Variants in IP6K3 observed in about 807,000 individuals in gnomAD.
The protein encoded by IP6K3 is inositol hexakisphosphate kinase 3, also known as ATP:1D-myo-inositol-hexakisphosphate phosphotransferase.
A neutral mutation model predicts 28.8 loss-of-function variants in IP6K3; 20 were observed. That is an observed-to-expected ratio of 0.70 (90% CI 0.49 to 1.01). IP6K3 has a LOEUF of 1.01. IP6K3 is among the 50% of genes least tolerant of loss of function. The pLI, the probability that IP6K3 is intolerant of heterozygous loss-of-function variation, is 0.00. For synonymous variants in IP6K3, 213 were observed against 221.3 expected (o/e 0.96, Z 0.33); for missense variants, 480 against 537.1 (o/e 0.89, Z 1.05).
intron 1 of IP6K3, among the ~76,000 whole-genome samples, chr6:33,743,865 CT>C (rs146490272): frequency 0.042 from 6,136 of 146,088 alleles, 353 homozygotes; most frequent in African/African-American, 0.13. Context: ...TTTTTTTTTT[CT>C]TTTTTTTTTC....
chr6:33,724,538 C>T (rs1188614080), intron 5 of IP6K3, among the ~76,000 whole-genome samples: 1 of 152,120 alleles, frequency 6.6e-6, no homozygotes, highest in Non-Finnish European at 1.5e-5. Flanking sequence ...AAAAAGGAGG[C>T]GTGGAGTCTG....
rs574404249 is a variant in IP6K3 at position 33,744,009 on chromosome 6, C to T, written c.-180+2749G>A. Among the ~76,000 whole-genome samples, 10 of 152,266 alleles carry T rather than the reference C, an allele frequency of 6.6e-5. No individual in the cohort carries two copies. Among genetic ancestry groups the T allele is most frequent in the African/African-American group, 2.2e-4 (9 of 41,550 alleles). On this transcript the variant is annotated intron_variant, in intron 1 of 5. Coordinates refer to ENST00000293756, the MANE Select transcript of IP6K3 (RefSeq NM_054111.5). The surrounding 1 kb of genome is among the most constrained non-coding windows in gnomAD (Gnocchi z 4.4). The stretch of plus-strand genomic sequence containing the variant: ...CAGCACCAACAATGTTCTGATCTTG[C>T]TGTCAAGGTGGGAGAAACATGGGGG...
In IP6K3 at chr6:33,735,613, T is replaced by C; in HGVS notation, c.-137A>G. 6.8e-7 allele frequency: 1 copy of C among 1,471,292 alleles called. No individual in the cohort carries two copies. The highest frequency in any genetic ancestry group is 9.0e-7 in the Non-Finnish European group (1 of 1,117,152). 91.1% of individuals were successfully genotyped at this position (1,471,292 alleles called of 1,614,324 possible). A position where few individuals can be genotyped will look rare whatever the true frequency, so the allele number is the denominator to read the frequency against. ...TCCTTCTTGGCCTTTATTGCTGTCA[T>C]AGCGCAGTTGTCCTCCTGTCTGTGG... On this transcript the variant is annotated 5_prime_UTR_variant, in exon 2 of 6. The change abolishes an upstream ATG in the 5' untranslated region. Coordinates refer to ENST00000293756, the MANE Select transcript of IP6K3 (RefSeq NM_054111.5).
chr6:33,761,747 G>A, the IP6K3 span, among the ~76,000 whole-genome samples: 1 of 152,044 alleles, frequency 6.6e-6, no homozygotes, highest in South Asian at 2.1e-4. Flanking sequence ...GGCCTGCAGG[G>A]CCAAAGAGGG....
Position 33,744,590 on chromosome 6 carries a change from T to C in IP6K3, c.-180+2168A>G, listed in dbSNP as rs1303409206. On this transcript the variant is annotated intron_variant, in intron 1 of 5. Transcript: ENST00000293756. This position sits in a 1 kb window ranked among gnomAD's most constrained non-coding sequence, Gnocchi z 4.4. ...CCACCAGAGGGCAGCAGCACACACG[T>C]TGAGGCCCCAAATGCCTGAGAGGGA... Among the ~76,000 whole-genome samples, 2 of 152,112 alleles carry C rather than the reference T, an allele frequency of 1.3e-5. No homozygotes were observed. Among genetic ancestry groups the C allele is most frequent in the Non-Finnish European group, 2.9e-5 (2 of 68,010 alleles).
intron 2 of IP6K3, 137 bp from the exon 3 acceptor site, chr6:33,728,437 G>GA: frequency 3.8e-6 from 3 of 781,492 alleles, no homozygotes; most frequent in Non-Finnish European, 6.3e-6. Flanking sequence ...CCTCTCTCAA[G>GA]GAAGAGCTAT....
intron 1 of IP6K3, among the ~76,000 whole-genome samples, chr6:33,737,732 G>A (rs1172660279): frequency 6.6e-6 from 1 of 152,200 alleles, no homozygotes; most frequent in East Asian, 1.9e-4. Context: ...GTAGGATGCG[G>A]GGTGAGCCTT....
chr6:33,725,586 T>C lies in IP6K3; in HGVS notation c.620A>G (p.Gln207Arg). Reference protein sequence around the residue: ...RFLLLENVVSQYTHPCVLDLK... With the variant: ...RFLLLENVVSRYTHPCVLDLK... ...ATCCAGGACACAGGGATGCGTGTACTGTGACACTACATTTTCCAGCAACAA... is the reference window on the plus strand; with the variant it reads ...ATCCAGGACACAGGGATGCGTGTACCGTGACACTACATTTTCCAGCAACAA... Residue 207 changes from glutamine (Q) to arginine (R), a missense_variant, in exon 5 of 6, where the codon CAG becomes CGG. Coordinates refer to ENST00000293756, the MANE Select transcript of IP6K3 (RefSeq NM_054111.5). 6.2e-7 allele frequency: 1 copy of C among 1,614,132 alleles called. No individual in the cohort carries two copies.
chr6:33,738,662 G>A (rs556727474), intron 1 of IP6K3, among the ~76,000 whole-genome samples: 1 of 152,310 alleles, frequency 6.6e-6, no homozygotes, highest in East Asian at 1.9e-4. Flanking sequence ...GGAAGAGCAG[G>A]GATTTGAACC....
chr6:33,753,447 G>A, the IP6K3 span, among the ~76,000 whole-genome samples: 1 of 152,086 alleles, frequency 6.6e-6, no homozygotes. Context: ...CTAGGGGAGA[G>A]GGCATCCAAG....
At chr6:33,752,590 G>A in the IP6K3 span, among the ~76,000 whole-genome samples, 2 of 152,240 alleles carry the variant, frequency 1.3e-5, no homozygotes, top group Non-Finnish European at 2.9e-5. Context: ...CAGGAGAGGA[G>A]AGACAAAGTT....
intron 2 of IP6K3, among the ~76,000 whole-genome samples, chr6:33,731,675 TAGCCCCCTTAAAAAC>T (rs1243830065): frequency 2.0e-5 from 3 of 151,936 alleles, no homozygotes; most frequent in Admixed American, 1.3e-4. Context: ...CCCAAGTAGA[TAGCCCCCTTAAAAAC>T]AGTCTCCAGT....
chr6:33,724,955 G>A (rs117266224), intron 5 of IP6K3, among the ~76,000 whole-genome samples: 8 of 152,178 alleles, frequency 5.3e-5, no homozygotes, highest in African/African-American at 1.9e-4. Flanking sequence ...GAAAGATCCA[G>A]TGTGGGCCGG....
chr6:33,723,775 G>A (rs990703417), intron 5 of IP6K3, among the ~76,000 whole-genome samples: 1 of 152,234 alleles, frequency 6.6e-6, no homozygotes, highest in Non-Finnish European at 1.5e-5. Context: ...GTGCAGTTGA[G>A]GGGAGCCTGG....
the IP6K3 span, among the ~76,000 whole-genome samples, chr6:33,752,238 A>C: frequency 6.6e-6 from 1 of 152,170 alleles, no homozygotes; most frequent in African/African-American, 2.4e-5. Context: ...AACATTTACA[A>C]GGCCTTCACG....
At chr6:33,748,204 G>A (rs946284773), upstream of IP6K3, among the ~76,000 whole-genome samples, 3 of 152,030 alleles carry the variant, frequency 2.0e-5, no homozygotes, top group African/African-American at 4.8e-5. Flanking sequence ...AGCCTCTCTC[G>A]GACTCATCCC....
At chr6:33,761,409 G>T in the IP6K3 span, among the ~76,000 whole-genome samples, 1 of 152,150 alleles carries the variant, frequency 6.6e-6, no homozygotes, top group African/African-American at 2.4e-5. Flanking sequence ...GGCTGGCCAG[G>T]CCGCAGTGGG....
upstream of IP6K3, among the ~76,000 whole-genome samples, chr6:33,751,493 T>A (rs1767021178): frequency 8.6e-6 from 1 of 116,056 alleles, no homozygotes; most frequent in Admixed American, 9.6e-5. This position sits in a 1 kb window ranked among gnomAD's most constrained non-coding sequence, Gnocchi z 4.3. Flanking sequence ...CGTGTGTGTG[T>A]GTGTGTGTGT....
chr6:33,749,514 G>A (rs1582236087), upstream of IP6K3, among the ~76,000 whole-genome samples: 8 of 150,816 alleles, frequency 5.3e-5, no homozygotes, highest in Admixed American at 5.3e-4. Context: ...CCATAGCCAT[G>A]TCTGTGACCC....
Sources: gnomAD v4.1 joint callset for allele counts (sites outside exome capture counted in the v4.1 genomes callset) on GRCh38, gnomAD v4.1.1 for gene constraint, Gnocchi (gnomAD v3.1) non-coding constraint, MANE v1.5 for transcripts, NCBI Gene and HGNC (gene_info 2026-07-23, HGNC 2026-07-21) for gene names.